H2BC12: variants seen among roughly 807,000 people sequenced by gnomAD.
H2BC12 encodes H2B clustered histone 12.
H2BC12 carries 6 observed loss-of-function variants against 6.3 expected under a neutral mutation model. The ratio of observed to expected loss-of-function variants is 0.95; its 90% CI spans 0.52 to 1.87. H2BC12 has a LOEUF of 1.87. Ranked by LOEUF, H2BC12 falls within the 40% of genes most tolerant of loss-of-function variation. The pLI is 0.01. For synonymous variants in H2BC12, 132 were observed against 78.5 expected, an observed-to-expected ratio of 1.68 and a Z score of -3.60; for missense variants, 119 against 178.4, an observed-to-expected ratio of 0.67 and a Z score of 1.90.
downstream of H2BC12, among the ~76,000 whole-genome samples, chr6:27,144,476 G>A (rs1419848637): frequency 2.5e-5 from 2 of 79,090 alleles, no homozygotes; most frequent in African/African-American, 5.1e-5. Context: ...GGGGGGGGGG[G>A]GCGGAATCTG....
chr6:27,144,414 A>G (rs1050577560), downstream of H2BC12, among the ~76,000 whole-genome samples: 47 of 128,404 alleles, frequency 3.7e-4, no homozygotes, highest in African/African-American at 1.3e-3. Flanking sequence ...GTGAGCCAAG[A>G]TCTCGCCGTT....
chr6:27,141,961 GGAGT>G (rs936657626), downstream of H2BC12, among the ~76,000 whole-genome samples: 6 of 152,124 alleles, frequency 3.9e-5, no homozygotes, highest in Non-Finnish European at 5.9e-5. Flanking sequence ...TGTGACTGAG[GGAGT>G]AAGTGTTTAA....
At chr6:27,145,860 C>T (rs1581435266), downstream of H2BC12, among the ~76,000 whole-genome samples, 1 of 152,186 alleles carries the variant, frequency 6.6e-6, no homozygotes, top group East Asian at 1.9e-4. Flanking sequence ...CCCGATGTCC[C>T]GTGGGCTGCA....
the H2BC12 span, chr6:27,139,616 G>A: frequency 6.2e-7 from 1 of 1,606,384 alleles, no homozygotes; most frequent in Non-Finnish European, 8.5e-7. Flanking sequence ...GGCTTCGGCG[G>A]CTAAATGGCA....
downstream of H2BC12, among the ~76,000 whole-genome samples, chr6:27,145,677 G>T (rs530834486): frequency 2.3e-4 from 35 of 152,252 alleles, no homozygotes; most frequent in African/African-American, 8.2e-4. Flanking sequence ...AAGCTTTCTT[G>T]TCAAAAGGAA....
At chr6:27,142,720 T>G (rs1760021910), downstream of H2BC12, among the ~76,000 whole-genome samples, 1 of 127,704 alleles carries the variant, frequency 7.8e-6, no homozygotes, top group Admixed American at 9.3e-5. Context: ...CACTGCAACC[T>G]CAGCCTCCCG....
At position 27,146,674 on chromosome 6, in the gene H2BC12, A is replaced by G; in HGVS notation, c.125T>C (p.Val42Ala). 2 of 1,614,214 alleles carry G rather than the reference A, an allele frequency of 1.2e-6. No homozygotes were observed. Among genetic ancestry groups the G allele is most frequent in the Non-Finnish European group, 1.7e-6 (2 of 1,180,044 alleles). Residue 42 changes from valine (V) to alanine (A), a missense_variant, in exon 1 of 1, where the codon GTG (valine) becomes GCG (alanine). Transcript: ENST00000356950. ...RSRKESYSVY[V>A]YKVLKQVHPD... ...GTGGACCTGCTTCAGCACCTTGTACACGTATACGGAGTAGCTCTCCTTGCG... is the reference window on the plus strand; with the variant it reads ...GTGGACCTGCTTCAGCACCTTGTACGCGTATACGGAGTAGCTCTCCTTGCG...
chr6:27,139,769 G>T, the H2BC12 span: 2 of 1,312,658 alleles, frequency 1.5e-6, no homozygotes, highest in Non-Finnish European at 2.0e-6. Context: ...AGATTAACTC[G>T]ACGCCGAAAA....
downstream of H2BC12, among the ~76,000 whole-genome samples, chr6:27,144,706 C>T (rs772588708): frequency 2.0e-5 from 3 of 152,132 alleles, no homozygotes; most frequent in African/African-American, 2.4e-5. Flanking sequence ...AAGGTAATAA[C>T]AGCAGATAGC....
Position 27,146,819 on chromosome 6 carries a change from C to A in H2BC12, c.-21G>T, listed in dbSNP as rs761841491. ...GGCATGTTGAAGGCGAACTACGAGC[C>A]TGAGACGAGCAGCAGATCGAGAAAA... On this transcript the variant is annotated 5_prime_UTR_variant, in exon 1 of 1. The change creates a new upstream start codon in the 5' untranslated region. Coordinates refer to ENST00000356950, the MANE Select transcript of H2BC12 (RefSeq NM_001312653.2). 2 of 1,610,260 alleles carry A rather than the reference C, an allele frequency of 1.2e-6. No individual in the cohort carries two copies. The highest frequency in any genetic ancestry group is 4.5e-5 in the East Asian group (2 of 44,862).
chr6:27,139,292 T>C, the H2BC12 span: 1 of 1,589,406 alleles, frequency 6.3e-7, no homozygotes, highest in Non-Finnish European at 8.6e-7. Context: ...AGACCTTTGT[T>C]CTCTGACCAC....
chr6:27,146,756 A>T lies in H2BC12; in HGVS notation c.43T>A (p.Ser15Thr). The T allele has an allele frequency of 6.2e-7, 1 of 1,614,200 alleles. No homozygotes were observed. ...AKSAPAPKKG[S>T]KKAVTKAQKK... ...TGCGCCTTAGTCACGGCTTTCTTCG[A>T]GCCCTTCTTGGGCGCGGGAGCGGAC... Residue 15 changes from serine to threonine, a missense_variant, in exon 1 of 1, where the codon TCG becomes ACG. Physicochemically the swap from Ser to Thr is moderately conservative, Grantham distance 58. Around this residue, in one of 2 missense-constraint regions of H2BC12, gnomAD observed 50 missense variants for 37.4 expected, o/e 1.34. Coordinates refer to ENST00000356950, the MANE Select transcript of H2BC12 (RefSeq NM_001312653.2).
At chr6:27,145,295 TACAC>T (rs57882884), downstream of H2BC12, among the ~76,000 whole-genome samples, 14,096 of 142,586 alleles carry the variant, frequency 0.099, 712 homozygotes, top group Non-Finnish European at 0.11. Flanking sequence ...ATATGTTAAA[TACAC>T]ACACACACAC....
chr6:27,146,613 G>A lies in H2BC12; in HGVS notation c.186C>T (p.Ile62=), dbSNP rs1760089125. The change falls in exon 1 of 1, where the codon ATC becomes ATT. Residue 62 remains isoleucine (I), a synonymous_variant. Transcript: ENST00000356950. ...DTGISSKAMG[I]MNSFVNDIFE... Reference sequence around the variant, plus strand: ...AGATGTCGTTGACGAAGGAGTTCATGATTCCCATGGCCTTAGAGGAGATGC... The same window carrying A: ...AGATGTCGTTGACGAAGGAGTTCATAATTCCCATGGCCTTAGAGGAGATGC... 5.0e-6 allele frequency: 8 copies of A among 1,614,274 alleles called. No homozygotes were observed. Among genetic ancestry groups the A allele is most frequent in the Non-Finnish European group, 6.8e-6 (8 of 1,180,056 alleles).
downstream of H2BC12, among the ~76,000 whole-genome samples, chr6:27,142,912 G>T (rs1415811977): frequency 6.6e-6 from 1 of 152,050 alleles, no homozygotes; most frequent in Non-Finnish European, 1.5e-5. Context: ...TGGGATTACA[G>T]GCATGAGCCA....
downstream of H2BC12, among the ~76,000 whole-genome samples, chr6:27,142,473 A>T (rs546326393): frequency 2.8e-3 from 422 of 151,696 alleles, 2 homozygotes; most frequent in African/African-American, 9.9e-3. Context: ...CATGTTGGCC[A>T]GGCTGGTCTT....
chr6:27,139,794 C>T, the H2BC12 span: 4 of 1,116,276 alleles, frequency 3.6e-6, no homozygotes, highest in Non-Finnish European at 4.9e-6. Context: ...CTGATGACTA[C>T]AGGTGACCTT....
downstream of H2BC12, among the ~76,000 whole-genome samples, chr6:27,144,339 G>A (rs1180959658): frequency 2.0e-5 from 3 of 151,322 alleles, no homozygotes; most frequent in East Asian, 1.9e-4. Context: ...GCAGGCACTT[G>A]TAATACCAGT....
chr6:27,139,168 T>C, the H2BC12 span: 1 of 849,308 alleles, frequency 1.2e-6, no homozygotes, highest in South Asian at 1.8e-5. Context: ...AGCAGGCCTG[T>C]TTCCCTTTTA....
Sources: allele counts gnomAD v4.1 joint callset (sites outside exome capture counted in the v4.1 genomes callset), GRCh38; gene constraint gnomAD v4.1.1; regional missense constraint gnomAD v4.1.1; transcripts MANE v1.5; gene names NCBI Gene and HGNC (gene_info 2026-07-23, HGNC 2026-07-21).